F2RL2: variants seen among roughly 807,000 people sequenced by gnomAD.
The protein encoded by F2RL2 is proteinase-activated receptor 3.
In F2RL2, 4 loss-of-function variants were observed where a neutral mutation model predicts 4.3. The observed-to-expected ratio is 0.93, with a 90% CI of 0.46 to 2.12. The LOEUF is 2.12. Ranked by LOEUF, F2RL2 falls within the 30% of genes most tolerant of loss-of-function variation. The pLI is 0.02. For synonymous variants in F2RL2, 166 were observed against 170.9 expected (o/e 0.97, Z 0.22); for missense variants, 408 against 449.3 (o/e 0.91, Z 0.83).
intron 1 of F2RL2, among the ~76,000 whole-genome samples, chr5:76,621,124 T>C (rs1749624703): frequency 6.6e-6 from 1 of 152,202 alleles, no homozygotes; most frequent in African/African-American, 2.4e-5. Context: ...TTCCTCCATA[T>C]TGAATACTTG....
intron 1 of F2RL2, among the ~76,000 whole-genome samples, chr5:76,621,232 C>T (rs1402162813): frequency 3.3e-5 from 5 of 152,118 alleles, no homozygotes; most frequent in East Asian, 1.9e-4. Context: ...AAACCCTCCA[C>T]GTAAACCTGA....
In F2RL2 at chr5:76,618,646, T is replaced by G. The variant is rs1340661614; in HGVS notation, c.65-4A>C. 1 of 1,602,496 alleles carries G rather than the reference T, an allele frequency of 6.2e-7. No homozygotes were observed. The highest frequency in any genetic ancestry group is 8.5e-7 in the Non-Finnish European group (1 of 1,172,154). ...TTGTTTGTATCATTTTCCATGCCTG[T>G]AATTGAAAGAAAGTATTAACATAAA... On this transcript the variant is annotated splice_region_variant and splice_polypyrimidine_tract_variant and intron_variant, in intron 1 of 1. Coordinates refer to ENST00000296641, the MANE Select transcript of F2RL2 (RefSeq NM_004101.4).
intron 1 of F2RL2, 95 bp downstream of exon 1, chr5:76,623,072 G>T: frequency 8.8e-7 from 1 of 1,142,798 alleles, no homozygotes; most frequent in Non-Finnish European, 1.3e-6. Flanking sequence ...GGGGTTTACA[G>T]TTTGTGTGAG....
At chr5:76,620,126 G>A (rs925588517) in intron 1 of F2RL2, among the ~76,000 whole-genome samples, 4 of 152,176 alleles carry the variant, frequency 2.6e-5, no homozygotes, top group African/African-American at 9.7e-5. Flanking sequence ...CACTCAGTTT[G>A]TAATGATTTG....
In F2RL2 at chr5:76,623,351, G is replaced by T; in HGVS notation, c.-121C>A. The T allele has an allele frequency of 8.5e-7, 1 of 1,173,802 alleles. No individual in the cohort carries two copies. The highest frequency in any genetic ancestry group is 1.2e-6 in the Non-Finnish European group (1 of 813,406). The allele number at this position is 1,173,802 out of a possible 1,614,324, so 72.7% of individuals were successfully genotyped here. A position where few individuals can be genotyped will look rare whatever the true frequency, so the allele number is the denominator to read the frequency against. ...AGCCTTGGTCTGTCTGTAGAAGTTTGCTCTCCTGTGCCGTGCAGGCAGGAA... is the reference window on the plus strand; with the variant it reads ...AGCCTTGGTCTGTCTGTAGAAGTTTTCTCTCCTGTGCCGTGCAGGCAGGAA... On this transcript the variant is annotated 5_prime_UTR_variant, in exon 1 of 2. Transcript: ENST00000296641.
At chr5:76,620,465 G>C (rs1749537437) in intron 1 of F2RL2, among the ~76,000 whole-genome samples, 1 of 152,190 alleles carries the variant, frequency 6.6e-6, no homozygotes, top group Non-Finnish European at 1.5e-5. Flanking sequence ...GCCATTAACT[G>C]AGTTGGAGGG....
intron 1 of F2RL2, among the ~76,000 whole-genome samples, chr5:76,619,610 G>A (rs963470988): frequency 4.7e-5 from 7 of 149,670 alleles, no homozygotes; most frequent in Non-Finnish European, 3.0e-5. Flanking sequence ...TCCGCCTCCC[G>A]GGTTCACGCC....
At chr5:76,620,339 A>G (rs1279521413) in intron 1 of F2RL2, among the ~76,000 whole-genome samples, 1 of 148,574 alleles carries the variant, frequency 6.7e-6, no homozygotes, top group Non-Finnish European at 1.5e-5. Flanking sequence ...AACACGTGAG[A>G]CTCTGATGGC....
chr5:76,619,481 G>A (rs1260602150), intron 1 of F2RL2, among the ~76,000 whole-genome samples: 1 of 151,590 alleles, frequency 6.6e-6, no homozygotes, highest in Non-Finnish European at 1.5e-5. Context: ...CTAGCAAAAG[G>A]GATTTTGCAG....
rs1028071777 is a variant in F2RL2 at position 76,618,498 on chromosome 5, C to T, written c.209G>A (p.Cys70Tyr). The T allele has an allele frequency of 2.5e-6, 4 of 1,614,012 alleles. No homozygotes were observed. Among genetic ancestry groups the T allele is most frequent in the Admixed American group, 3.3e-5 (2 of 59,994 alleles). ...TGATITVKIK[C>Y]PEESASHLHV... ...GAGATGTGAAGCACTTTCTTCAGGG[C>T]ACTTAATTTTTACAGTAATCGTGGC... Residue 70 changes from cysteine to tyrosine, a missense_variant, in exon 2 of 2, where the codon TGC becomes TAC. Transcript: ENST00000296641.
Position 76,617,605 on chromosome 5 carries a change from A to G in F2RL2, c.1102T>C (p.Ser368Pro). The change falls in exon 2 of 2, where the codon TCC (serine) becomes CCC (proline). Residue 368 changes from serine to proline, a missense_variant. By Grantham distance (74) the Ser-to-Pro change is moderately conservative. Coordinates refer to ENST00000296641, the MANE Select transcript of F2RL2 (RefSeq NM_004101.4). ...CACTATTTTGTAAGGTAAGCAGTGG[A>G]GTGATTTCTGGTTTTTGACATGAGA... is the stretch of plus-strand genomic sequence containing the variant. Reference protein sequence around the residue: ...YFLMSKTRNHSTAYLTK With the variant: ...YFLMSKTRNHPTAYLTK 6.2e-7 allele frequency: 1 copy of G among 1,612,964 alleles called. No individual in the cohort carries two copies.
In F2RL2 at chr5:76,617,714, G is replaced by T; in HGVS notation, c.993C>A (p.Asn331Lys). 1 of 1,614,088 alleles carries T rather than the reference G, an allele frequency of 6.2e-7. No individual in the cohort carries two copies. The highest frequency in any genetic ancestry group is 8.5e-7 in the Non-Finnish European group (1 of 1,179,998). ...ATATAAAATATAAGCCATCAGTGTT[G>T]TTGTAGTAGTAGTTAGCATGGTGAA... Reference protein sequence around the residue: ...LIIHHANYYYNNTDGLYFIYL... With the variant: ...LIIHHANYYYKNTDGLYFIYL... The change falls in exon 2 of 2, where the codon AAC (asparagine) becomes AAA (lysine). Residue 331 changes from asparagine (N) to lysine (K), a missense_variant. Transcript: ENST00000296641.
rs1749247771 is a variant in F2RL2, at chr5:76,618,522, GC to G, written c.184del (p.Ala62ProfsTer5). 5 of 1,614,116 alleles carry G rather than the reference GC, an allele frequency of 3.1e-6. No homozygotes were observed. The East Asian group carries it at 1.1e-4, about 36-fold the overall frequency. On this transcript the variant is annotated frameshift_variant, in exon 2 of 2. Coordinates refer to ENST00000296641, the MANE Select transcript of F2RL2 (RefSeq NM_004101.4). LOFTEE classifies it low-confidence loss of function (END_TRUNC). ...PFSALEGWTG[A>X]TITVKIKCPE... ...GCACTTAATTTTTACAGTAATCGTG[GC>G]TCCTGTCCAGCCTTCCAAGGCAGAA...
At chr5:76,619,338 A>G (rs1658077341) in intron 1 of F2RL2, among the ~76,000 whole-genome samples, 1 of 152,092 alleles carries the variant, frequency 6.6e-6, no homozygotes, top group African/African-American at 2.4e-5. Flanking sequence ...AAGAAATCAT[A>G]TGTCTATTCA....
At position 76,617,379 on chromosome 5, in the gene F2RL2, G is replaced by A. The variant is rs1348638938; in HGVS notation, c.*203C>T. On this transcript the variant is annotated 3_prime_UTR_variant, in exon 2 of 2. Transcript: ENST00000296641. The stretch of plus-strand genomic sequence containing the variant: ...GCAGAGGTTGCAATGAGCCAAGATA[G>A]TGCCACTGCACGCCAGTCTGGGTGA... 3.9e-6 allele frequency: 2 copies of A among 517,986 alleles called. No homozygotes were observed. The highest frequency in any genetic ancestry group is 6.8e-6 in the Non-Finnish European group (2 of 292,550). The allele number at this position is 517,986 out of a possible 1,614,324, so 32.1% of individuals were successfully genotyped here. A position where few individuals can be genotyped will look rare whatever the true frequency, so the allele number is the denominator to read the frequency against.
chr5:76,617,465 A>G lies in F2RL2; in HGVS notation c.*117T>C. 2.8e-6 allele frequency: 2 copies of G among 719,488 alleles called. No individual in the cohort carries two copies. The highest frequency in any genetic ancestry group is 1.9e-5 in the South Asian group (1 of 51,648). 44.6% of individuals were successfully genotyped at this position (719,488 alleles called of 1,614,324 possible). A position where few individuals can be genotyped will look rare whatever the true frequency, so the allele number is the denominator to read the frequency against. On this transcript the variant is annotated 3_prime_UTR_variant, in exon 2 of 2. Transcript: ENST00000296641. ...ACTACTAATGCTTTTGTAATGTTTG[A>G]CCTTTGAAGCATATTTCTTAGGAGC... is the stretch of plus-strand genomic sequence containing the variant.
intron 1 of F2RL2, among the ~76,000 whole-genome samples, chr5:76,620,074 T>C (rs1749487369): frequency 6.6e-6 from 1 of 152,214 alleles, no homozygotes; most frequent in Non-Finnish European, 1.5e-5. Flanking sequence ...GCCTTGATTT[T>C]AAGACCTCTG....
Position 76,615,482 on chromosome 5 carries a change from T to C in F2RL2, c.*2100A>G, listed in dbSNP as rs573669261. The C allele has an allele frequency of 1.5e-4, 23 of 152,366 alleles. No individual in the cohort carries two copies. Among genetic ancestry groups the C allele is most frequent in the African/African-American group, 5.0e-4 (21 of 41,590 alleles). The allele number at this position is 152,366 out of a possible 1,614,324, so 9.4% of individuals were successfully genotyped here. ...AGAAAACTGTGTACATTTAAAAATA[T>C]GCATTTAAAATTGTTTTTTATTGTT... On this transcript the variant is annotated 3_prime_UTR_variant, in exon 2 of 2. Coordinates refer to ENST00000296641, the MANE Select transcript of F2RL2 (RefSeq NM_004101.4).
In F2RL2 at chr5:76,622,217, A is replaced by G. The variant is rs551067860; in HGVS notation, c.64+950T>C. Among the ~76,000 whole-genome samples, 12 of 151,916 alleles carry G rather than the reference A, an allele frequency of 7.9e-5. No individual in the cohort carries two copies. The South Asian group carries it at 2.3e-3, about 29-fold the overall frequency. On this transcript the variant is annotated intron_variant, in intron 1 of 1. Transcript: ENST00000296641. ...ACCCTATTAGCGTCTTGAAGGAACC[A>G]CCCCCGAAAACCTTGCTTCTTTTGC...
Sources: gnomAD v4.1 joint callset for allele counts (sites outside exome capture counted in the v4.1 genomes callset) on GRCh38, gnomAD v4.1.1 for gene constraint, MANE v1.5 for transcripts, NCBI Gene and HGNC (gene_info 2026-07-23, HGNC 2026-07-21) for gene names.